The following CYYR1 variants were observed in gnomAD, a reference collection of about 807,000 sequenced individuals.
CYYR1 encodes the protein cysteine and tyrosine-rich protein 1.
In CYYR1, 14 loss-of-function variants were observed where a neutral mutation model predicts 15.2. The ratio of observed to expected loss-of-function variants is 0.92; its 90% confidence interval spans 0.61 to 1.44. The LOEUF (loss-of-function observed/expected upper bound fraction) is 1.44. Ranked by LOEUF, CYYR1 falls within the 40% of genes most tolerant of loss-of-function variation. CYYR1 has a pLI of 0.00. For synonymous variants in CYYR1, 80 were observed against 77.4 expected (o/e 1.03, Z -0.18); for missense variants, 228 against 209.5 (o/e 1.09, Z -0.54).
At chr21:26,551,830 T>G in intron 2 of CYYR1, 1 of 267,950 alleles carries the variant, frequency 3.7e-6, no homozygotes, top group Non-Finnish European at 7.5e-6. Flanking sequence ...AAAGCAGCAG[T>G]AGGGTTTAGA....
intron 2 of CYYR1, among the ~76,000 whole-genome samples, chr21:26,550,003 G>A (rs1979267378): frequency 6.6e-6 from 1 of 152,088 alleles, no homozygotes; most frequent in Non-Finnish European, 1.5e-5. Context: ...TTGAAGATCT[G>A]TGGCAGCCCT....
At chr21:26,544,975 A>G (rs1978854465) in intron 2 of CYYR1, among the ~76,000 whole-genome samples, 1 of 152,034 alleles carries the variant, frequency 6.6e-6, no homozygotes, top group Non-Finnish European at 1.5e-5. Flanking sequence ...AAAGAAAAAG[A>G]TAAATTATGA....
intron 3 of CYYR1, among the ~76,000 whole-genome samples, chr21:26,475,262 T>G (rs972327888): frequency 2.6e-5 from 4 of 152,150 alleles, no homozygotes; most frequent in Admixed American, 6.6e-5. Flanking sequence ...AGCAGAAGAC[T>G]TGCTTCTTAT....
At chr21:26,505,293 C>A (rs188570470) in intron 2 of CYYR1, among the ~76,000 whole-genome samples, 5 of 152,218 alleles carry the variant, frequency 3.3e-5, no homozygotes, top group African/African-American at 4.8e-5. Flanking sequence ...AAATTGTTAT[C>A]CCCAAGCATG....
At chr21:26,503,793 G>A (rs1472751640) in intron 2 of CYYR1, 1 of 152,110 alleles carries the variant, frequency 6.6e-6, no homozygotes, top group Non-Finnish European at 1.5e-5. Context: ...ATGCAAAGGG[G>A]AAAAATACCT....
chr21:26,568,599 A>G (rs1460148781), intron 1 of CYYR1: 1 of 152,244 alleles, frequency 6.6e-6, no homozygotes. Context: ...AACAAAAGCA[A>G]TTGACAAGCG....
intron 2 of CYYR1, chr21:26,503,642 G>T (rs908101204): frequency 1.3e-5 from 2 of 152,092 alleles, no homozygotes; most frequent in African/African-American, 2.4e-5. Flanking sequence ...CACTGCTGTG[G>T]CCTCTTAAAG....
Position 26,539,394 on chromosome 21 carries a change from CA to C in CYYR1, c.176+26871del, listed in dbSNP as rs568591456. Among the ~76,000 whole-genome samples the C allele has an allele frequency of 1.6e-4, 24 of 152,248 alleles. No homozygotes were observed. The East Asian group carries it at 4.6e-3, about 29-fold the overall frequency. The stretch of plus-strand genomic sequence containing the variant: ...TCAACACAGTAACTCACACTCCAAC[CA>C]AAAATGTATTTATTTGCTGTCTTCC... On this transcript the variant is annotated intron_variant, in intron 2 of 3. Transcript: ENST00000652641.
At chr21:26,533,767 C>T (rs1317955414) in intron 2 of CYYR1, among the ~76,000 whole-genome samples, 1 of 152,014 alleles carries the variant, frequency 6.6e-6, no homozygotes, top group African/African-American at 2.4e-5. Flanking sequence ...TGTTGGTGTG[C>T]GTGTGTATGT....
intron 2 of CYYR1, among the ~76,000 whole-genome samples, chr21:26,522,450 T>C (rs746100010): frequency 6.6e-6 from 1 of 152,232 alleles, no homozygotes; most frequent in African/African-American, 2.4e-5. Context: ...TAAGGGTTAT[T>C]TATATTTAGG....
At chr21:26,530,955 T>A (rs1420457288) in intron 2 of CYYR1, among the ~76,000 whole-genome samples, 1 of 152,134 alleles carries the variant, frequency 6.6e-6, no homozygotes, top group African/African-American at 2.4e-5. Flanking sequence ...ACTGTTTTAG[T>A]GTTAGTGGCC....
At chr21:26,528,751 T>C (rs1601795524) in intron 2 of CYYR1, among the ~76,000 whole-genome samples, 1 of 152,162 alleles carries the variant, frequency 6.6e-6, no homozygotes, top group African/African-American at 2.4e-5. Flanking sequence ...TATTGGATGG[T>C]ACAATTATTT....
At chr21:26,500,831 C>T (rs2065472030) in intron 2 of CYYR1, among the ~76,000 whole-genome samples, 1 of 152,124 alleles carries the variant, frequency 6.6e-6, no homozygotes, top group African/African-American at 2.4e-5. Flanking sequence ...TTAGATTAGA[C>T]ATTTAAAATT....
intron 2 of CYYR1, among the ~76,000 whole-genome samples, chr21:26,525,859 C>T (rs886227237): frequency 6.6e-6 from 1 of 152,044 alleles, no homozygotes; most frequent in Non-Finnish European, 1.5e-5. Context: ...ACAGGCAGTT[C>T]CTAATTTACT....
chr21:26,545,429 G>A (rs983526477), intron 2 of CYYR1, among the ~76,000 whole-genome samples: 3 of 152,128 alleles, frequency 2.0e-5, no homozygotes, highest in Non-Finnish European at 2.9e-5. Context: ...AGGCTTCTTC[G>A]TCTTCTTTTC....
intron 2 of CYYR1, chr21:26,552,049 A>G (rs1204810931): frequency 6.6e-6 from 1 of 152,214 alleles, no homozygotes; most frequent in East Asian, 1.9e-4. Context: ...TCAAAGCAAG[A>G]CCCTCTTCCA....
chr21:26,573,090 A>T lies in CYYR1; in HGVS notation c.-150T>A. 1.3e-6 allele frequency: 2 copies of T among 1,527,496 alleles called. No individual in the cohort carries two copies. Among genetic ancestry groups the T allele is most frequent in the Non-Finnish European group, 1.8e-6 (2 of 1,140,924 alleles). The allele number at this position is 1,527,496 out of a possible 1,614,324, so 94.6% of individuals were successfully genotyped here. ...CATTGCCTAGGGAGCCTTCCAAGGG[A>T]GCCCGGGCCGGGCGCGTCCCGGGCC... On this transcript the variant is annotated 5_prime_UTR_variant, in exon 1 of 4. Transcript: ENST00000652641.
chr21:26,484,783 A>G lies in CYYR1; in HGVS notation c.177-4354T>C, dbSNP rs1026669928. ...ATTAATTCTTTTCTTAAATAGAGGAAAGTAGAAAATTAGTCACATTTTGTT... is the reference window on the plus strand; with the variant it reads ...ATTAATTCTTTTCTTAAATAGAGGAGAGTAGAAAATTAGTCACATTTTGTT... On this transcript the variant is annotated intron_variant, in intron 2 of 3. Coordinates refer to ENST00000652641, the MANE Select transcript of CYYR1 (RefSeq NM_001320768.2). 4.6e-5 allele frequency among the ~76,000 whole-genome samples: 7 copies of G among 152,078 alleles called. No individual in the cohort carries two copies. In the East Asian group the frequency reaches 1.3e-3, roughly 29 times the overall value.
intron 2 of CYYR1, among the ~76,000 whole-genome samples, chr21:26,534,283 A>G (rs1430680240): frequency 6.6e-6 from 1 of 152,198 alleles, no homozygotes; most frequent in African/African-American, 2.4e-5. Flanking sequence ...TTACTGTTAA[A>G]TGAGTAAGTT....
Sources: gnomAD v4.1 joint callset for allele counts (sites outside exome capture counted in the v4.1 genomes callset) on GRCh38, gnomAD v4.1.1 for gene constraint, MANE v1.5 for transcripts, NCBI Gene and HGNC (gene_info 2026-07-23, HGNC 2026-07-21) for gene names.